RGS9: variants seen among roughly 807,000 people sequenced by gnomAD.
RGS9 encodes regulator of G protein signaling 9.
A neutral mutation model predicts 102.0 loss-of-function variants in RGS9; 78 were observed. The observed-to-expected ratio is 0.76, with a 90% CI of 0.64 to 0.92. RGS9 has a LOEUF of 0.92. RGS9 is among the 40% of genes least tolerant of loss of function. The pLI is 0.00. For missense variants in RGS9, 833 were observed against 866.1 expected, an observed-to-expected ratio of 0.96 and a Z score of 0.48; for synonymous variants, 353 against 318.6, an observed-to-expected ratio of 1.11 and a Z score of -1.15.
intron 12 of RGS9, among the ~76,000 whole-genome samples, chr17:65,195,262 C>T (rs1479806044): frequency 2.0e-5 from 3 of 152,044 alleles, no homozygotes; most frequent in Admixed American, 6.6e-5. Flanking sequence ...GATGGATGGC[C>T]GCTGAATTTT....
chr17:65,181,468 G>C (rs1362574006), intron 9 of RGS9, among the ~76,000 whole-genome samples: 2 of 152,258 alleles, frequency 1.3e-5, no homozygotes, highest in East Asian at 3.8e-4. Context: ...TCATTAGGTT[G>C]GCAGGTGTCT....
intron 12 of RGS9, 43 bp downstream of exon 12, chr17:65,193,699 G>T: frequency 8.1e-7 from 1 of 1,231,680 alleles, no homozygotes; most frequent in South Asian, 1.2e-5. Flanking sequence ...AACCGTTTTT[G>T]AGTTACAATT....
intron 11 of RGS9, among the ~76,000 whole-genome samples, chr17:65,191,404 A>G (rs1052653632): frequency 2.0e-5 from 3 of 151,212 alleles, no homozygotes; most frequent in Admixed American, 2.0e-4. Flanking sequence ...TTTTACCTCC[A>G]GCTTCTCCAC....
At chr17:65,164,219 C>T (rs1911089907) in intron 7 of RGS9, among the ~76,000 whole-genome samples, 1 of 152,112 alleles carries the variant, frequency 6.6e-6, no homozygotes, top group South Asian at 2.1e-4. Context: ...AGCTGGGGCC[C>T]TGACATGCTT....
At chr17:65,197,408 A>G (rs1309794905) in intron 13 of RGS9, among the ~76,000 whole-genome samples, 167 bp downstream of exon 13, 1 of 152,180 alleles carries the variant, frequency 6.6e-6, no homozygotes, top group African/African-American at 2.4e-5. Context: ...ACCTGAGCCC[A>G]AGACTCGTTC....
intron 6 of RGS9, among the ~76,000 whole-genome samples, chr17:65,161,739 A>C (rs2143997634): frequency 6.9e-6 from 1 of 145,116 alleles, no homozygotes; most frequent in South Asian, 2.4e-4. Context: ...TATTTATTTG[A>C]GACAACGTCT....
intron 12 of RGS9, among the ~76,000 whole-genome samples, chr17:65,194,548 G>T (rs547943767): frequency 1.3e-5 from 2 of 152,032 alleles, no homozygotes. Context: ...GGCGGGCAGG[G>T]CCCTAAACCT....
intron 13 of RGS9, among the ~76,000 whole-genome samples, chr17:65,199,547 G>A (rs1031758145): frequency 5.8e-5 from 8 of 137,882 alleles, no homozygotes; most frequent in East Asian, 4.4e-4. Context: ...AGGCTGGAGC[G>A]CAGTGGCGTG....
chr17:65,219,016 G>A (rs1244781414), intron 17 of RGS9, among the ~76,000 whole-genome samples: 1 of 152,244 alleles, frequency 6.6e-6, no homozygotes, highest in African/African-American at 2.4e-5. Flanking sequence ...GAAGGCAGTG[G>A]AGACTTGGGG....
intron 17 of RGS9, among the ~76,000 whole-genome samples, 193 bp from the exon 18 acceptor site, chr17:65,224,809 A>G (rs1048461409): frequency 1.1e-4 from 17 of 152,190 alleles, no homozygotes; most frequent in African/African-American, 3.9e-4. Context: ...GTCCCTGGAC[A>G]GGAGGCCTCT....
At chr17:65,180,891 C>T (rs1316697615) in intron 9 of RGS9, among the ~76,000 whole-genome samples, 1 of 152,106 alleles carries the variant, frequency 6.6e-6, no homozygotes, top group South Asian at 2.1e-4. Context: ...ATAAGTGAGC[C>T]CATGTGGTAT....
chr17:65,177,912 G>T, intron 9 of RGS9, 109 bp downstream of exon 9: 2 of 869,272 alleles, frequency 2.3e-6, no homozygotes, highest in Non-Finnish European at 2.0e-6. Flanking sequence ...TCCTCTTTGA[G>T]ACTATCAAAG....
rs374677378 is a variant in RGS9, at chr17:65,158,179, C to T, written c.155-116C>T. 2.1e-4 allele frequency: 203 copies of T among 952,784 alleles called. 2 individuals carry two copies. The East Asian group carries it at 2.2e-3, about 10-fold the overall frequency. 59.0% of individuals were successfully genotyped at this position (952,784 alleles called of 1,614,324 possible). On this transcript the variant is annotated intron_variant, in intron 2 of 18. Coordinates refer to ENST00000262406, the MANE Select transcript of RGS9 (RefSeq NM_003835.4). Reference sequence around the variant, plus strand: ...GGTGGGGGTTTCTGAAGGTTCTGAGCGAAGAGGAATGAAATCGCAGCTGAA... The same window carrying T: ...GGTGGGGGTTTCTGAAGGTTCTGAGTGAAGAGGAATGAAATCGCAGCTGAA...
chr17:65,137,374 A>T lies in RGS9; in HGVS notation c.-167A>T. On this transcript the variant is annotated 5_prime_UTR_variant, in exon 1 of 19. Transcript: ENST00000262406. ...GCGGATTCCAGCTGCTTTCCAAGTC[A>T]GCGGCGCCTAGTGAGAGTCAGGGGG... 1 of 660,234 alleles carries T rather than the reference A, an allele frequency of 1.5e-6. No homozygotes were observed. Among genetic ancestry groups the T allele is most frequent in the Non-Finnish European group, 2.7e-6 (1 of 370,796 alleles). 40.9% of individuals were successfully genotyped at this position (660,234 alleles called of 1,614,324 possible).
intron 18 of RGS9, among the ~76,000 whole-genome samples, chr17:65,226,776 C>A (rs996379552): frequency 1.3e-5 from 2 of 152,108 alleles, no homozygotes; most frequent in African/African-American, 4.8e-5. Flanking sequence ...CCACGCCCGG[C>A]TAATTTTTTT....
chr17:65,185,837 G>A (rs1912091943), intron 9 of RGS9, among the ~76,000 whole-genome samples: 1 of 152,194 alleles, frequency 6.6e-6, no homozygotes, highest in African/African-American at 2.4e-5. Flanking sequence ...GCCAAAGGGA[G>A]ACCCCCTAGA....
intron 1 of RGS9, among the ~76,000 whole-genome samples, chr17:65,145,984 T>A (rs1910344440): frequency 6.6e-6 from 1 of 152,120 alleles, no homozygotes; most frequent in Admixed American, 6.5e-5. Context: ...GTGACACACC[T>A]CCTAGAAAGA....
intron 1 of RGS9, among the ~76,000 whole-genome samples, chr17:65,147,529 C>CCCTTGAATGACCCGTCA (rs1479577306): frequency 1.3e-5 from 2 of 151,568 alleles, no homozygotes; most frequent in Non-Finnish European, 2.9e-5. Context: ...CTTCAGGACT[C>CCCTTGAATGACCCGTCA]CCTTGAATGA....
rs1345768576 is a variant in RGS9, at chr17:65,168,209, G to A, written c.510G>A (p.Lys170=). The change falls in exon 8 of 19, where the codon AAG becomes AAA. Residue 170 remains lysine, a synonymous_variant. Transcript: ENST00000262406. ...GCTTTTGGCTTTCCAGGGCTGGAAA[G>A]GAGAGGAACAAAGCAGACAGATATG... ...MQAKEQYRAG[K]ERNKADRYAL... is the part of the protein sequence containing the mutation. 4 of 1,609,822 alleles carry A rather than the reference G, an allele frequency of 2.5e-6. No individual in the cohort carries two copies. Among genetic ancestry groups the A allele is most frequent in the Middle Eastern group, 1.6e-4 (1 of 6,062 alleles).
Sources: gnomAD v4.1 joint callset for allele counts (sites outside exome capture counted in the v4.1 genomes callset) on GRCh38, gnomAD v4.1.1 for gene constraint, MANE v1.5 for transcripts, NCBI Gene and HGNC (gene_info 2026-07-23, HGNC 2026-07-21) for gene names.